The following PCCA variants were observed in gnomAD, a reference collection of about 807,000 sequenced individuals.
PCCA encodes propionyl-CoA carboxylase subunit alpha, also known as propionyl-CoA carboxylase alpha chain, mitochondrial.
In PCCA, 74 loss-of-function variants were observed where a neutral mutation model predicts 101.3. The observed-to-expected ratio is 0.73, with a 90% CI of 0.61 to 0.89. The LOEUF (loss-of-function observed/expected upper bound fraction) is 0.89. Among genes scored for constraint, PCCA ranks in the 40% least tolerant of loss-of-function variants. The pLI is 0.00. For synonymous variants in PCCA, 294 were observed against 313.6 expected, an observed-to-expected ratio of 0.94 and a Z score of 0.66; for missense variants, 891 against 907.0, an observed-to-expected ratio of 0.98 and a Z score of 0.23.
chr13:100,495,453 G>C (rs532080039), intron 21 of PCCA, among the ~76,000 whole-genome samples: 1 of 152,178 alleles, frequency 6.6e-6, no homozygotes, highest in South Asian at 2.1e-4. Flanking sequence ...TTAACTTGTA[G>C]TTATTTGTAG....
intron 18 of PCCA, among the ~76,000 whole-genome samples, chr13:100,360,506 T>G (rs1224331198): frequency 6.6e-6 from 1 of 152,172 alleles, no homozygotes; most frequent in Non-Finnish European, 1.5e-5. Flanking sequence ...AAACTTTGTA[T>G]GTAGGCAAAA....
At chr13:100,352,399 C>CTTTT (rs67318662) in intron 18 of PCCA, among the ~76,000 whole-genome samples, 3 of 134,576 alleles carry the variant, frequency 2.2e-5, no homozygotes, top group African/African-American at 8.2e-5. Context: ...ACAAAATAGC[C>CTTTT]TTTTTTTTTT....
chr13:100,121,961 C>G (rs1019002920), intron 4 of PCCA, among the ~76,000 whole-genome samples: 2 of 152,168 alleles, frequency 1.3e-5, no homozygotes, highest in Admixed American at 6.5e-5. Flanking sequence ...CAGCATTTCA[C>G]CCTTAAATTT....
intron 7 of PCCA, among the ~76,000 whole-genome samples, chr13:100,232,894 G>C (rs2060576876): frequency 1.3e-5 from 2 of 152,184 alleles, no homozygotes; most frequent in African/African-American, 2.4e-5. Flanking sequence ...TTCATGTAGT[G>C]TTGCTGGGCA....
At chr13:100,440,133 T>A (rs190072307) in intron 20 of PCCA, among the ~76,000 whole-genome samples, 1 of 139,602 alleles carries the variant, frequency 7.2e-6, no homozygotes, top group African/African-American at 2.6e-5. Context: ...ATGGATTAGT[T>A]GTGAAATGAC....
Position 100,340,195 on chromosome 13 carries a change from G to T in PCCA, c.1579G>T (p.Ala527Ser). 1.2e-6 allele frequency: 2 copies of T among 1,610,630 alleles called. No individual in the cohort carries two copies. Among genetic ancestry groups the T allele is most frequent in the Non-Finnish European group, 1.7e-6 (2 of 1,176,824 alleles). The change falls in exon 18 of 24, where the codon GCA becomes TCA. Residue 527 changes from alanine (A) to serine (S), a missense_variant. Ala to Ser is a moderately conservative substitution (Grantham distance 99). Coordinates refer to ENST00000376285, the MANE Select transcript of PCCA (RefSeq NM_000282.4). ...CAAGAGTGAGAAGAACCAGTTATTG[G>T]CAATAGCATCATCATTGTTTGTGGC... The part of the protein sequence containing the change: ...LTKSEKNQLL[A>S]IASSLFVAFQ...
At chr13:100,440,825 A>G (rs1026069488) in intron 20 of PCCA, among the ~76,000 whole-genome samples, 3 of 152,178 alleles carry the variant, frequency 2.0e-5, no homozygotes, top group African/African-American at 7.2e-5. Flanking sequence ...TTTTCGAATG[A>G]AGTAGGAAAT....
intron 19 of PCCA, among the ~76,000 whole-genome samples, chr13:100,397,230 C>T (rs552173455): frequency 2.6e-5 from 4 of 152,232 alleles, no homozygotes; most frequent in East Asian, 3.9e-4. Context: ...TTGGCTGGGT[C>T]GAGGTGTCAT....
At chr13:100,150,602 T>A (rs1341488976) in intron 4 of PCCA, 8 of 1,195,900 alleles carry the variant, frequency 6.7e-6, no homozygotes, top group Non-Finnish European at 9.8e-6. Context: ...GGCCTGCAGA[T>A]GTCAGCCCAC....
At chr13:100,333,043 A>AT (rs1324425552) in intron 17 of PCCA, among the ~76,000 whole-genome samples, 2 of 152,184 alleles carry the variant, frequency 1.3e-5, no homozygotes, top group Admixed American at 6.5e-5. Context: ...GGTATGCTAC[A>AT]TGTTGTTATA....
intron 21 of PCCA, among the ~76,000 whole-genome samples, chr13:100,481,517 C>T (rs959927859): frequency 1.3e-5 from 2 of 152,088 alleles, no homozygotes; most frequent in African/African-American, 2.4e-5. Flanking sequence ...AAGATCATGC[C>T]ACTGCACTCC....
intron 1 of PCCA, among the ~76,000 whole-genome samples, chr13:100,098,699 A>T (rs1488298840): frequency 3.9e-5 from 6 of 152,128 alleles, no homozygotes; most frequent in Admixed American, 3.3e-4. Context: ...GGGATGATGG[A>T]GCTCTAGAGT....
intron 18 of PCCA, among the ~76,000 whole-genome samples, chr13:100,354,130 G>A (rs769442050): frequency 3.6e-5 from 5 of 137,130 alleles, no homozygotes; most frequent in South Asian, 2.3e-4. Flanking sequence ...AAAATAATTC[G>A]CTGGGTGTGG....
At chr13:100,210,240 AG>A (rs1411915078) in intron 7 of PCCA, among the ~76,000 whole-genome samples, 5 of 152,136 alleles carry the variant, frequency 3.3e-5, no homozygotes, top group Admixed American at 2.0e-4. Flanking sequence ...GGCCTTCCCA[AG>A]TGTTGGGATT....
intron 9 of PCCA, among the ~76,000 whole-genome samples, chr13:100,261,958 A>T (rs2062551836): frequency 1.3e-5 from 2 of 152,174 alleles, no homozygotes; most frequent in Non-Finnish European, 2.9e-5. Flanking sequence ...CATGCAGGTG[A>T]CTAGACCCTT....
chr13:100,193,572 G>T (rs575850192), intron 6 of PCCA, among the ~76,000 whole-genome samples: 1 of 152,226 alleles, frequency 6.6e-6, no homozygotes, highest in South Asian at 2.1e-4. Context: ...GTTTTTGTTA[G>T]TATCATTATA....
intron 8 of PCCA, among the ~76,000 whole-genome samples, chr13:100,245,493 A>C (rs578151202): frequency 1.3e-5 from 2 of 152,290 alleles, no homozygotes; most frequent in South Asian, 4.1e-4. Flanking sequence ...CTGTGTGTTC[A>C]ATTCTCATTC....
At chr13:100,259,724 A>G (rs1273006376) in intron 9 of PCCA, among the ~76,000 whole-genome samples, 1 of 152,082 alleles carries the variant, frequency 6.6e-6, no homozygotes, top group Non-Finnish European at 1.5e-5. Flanking sequence ...TCTTTTCCCT[A>G]TTCAAGTTTA....
At chr13:100,091,293 C>G (rs760157676) in intron 1 of PCCA, among the ~76,000 whole-genome samples, 1 of 152,224 alleles carries the variant, frequency 6.6e-6, no homozygotes, top group Non-Finnish European at 1.5e-5. Context: ...ACTTGTTATA[C>G]ACTTACTGTG....
Sources: gnomAD v4.1 joint callset for allele counts (sites outside exome capture counted in the v4.1 genomes callset) on GRCh38, gnomAD v4.1.1 for gene constraint, MANE v1.5 for transcripts, NCBI Gene and HGNC (gene_info 2026-07-23, HGNC 2026-07-21) for gene names.